The following XKR9 variants were observed in gnomAD, a reference collection of about 807,000 sequenced individuals.
The protein encoded by XKR9 is XK related 9, also known as XK-related protein 9.
XKR9 carries 32 observed loss-of-function variants against 32.0 expected under a neutral mutation model. That is an observed-to-expected ratio of 1.00 (90% CI 0.76 to 1.34). The LOEUF is 1.34. Ranked by LOEUF, XKR9 falls within the 40% of genes most tolerant of loss-of-function variation. The pLI, the probability that XKR9 is intolerant of heterozygous loss-of-function variation, is 0.00. For missense variants in XKR9, 546 were observed against 429.7 expected, an observed-to-expected ratio of 1.27 and a Z score of -2.39; for synonymous variants, 168 against 143.4, an observed-to-expected ratio of 1.17 and a Z score of -1.22.
chr8:70,781,885 G>T (rs1807622126), intron 2 of XKR9, among the ~76,000 whole-genome samples: 1 of 152,162 alleles, frequency 6.6e-6, no homozygotes, highest in South Asian at 2.1e-4. Flanking sequence ...GGGGAAAATT[G>T]TTCATTGAAT....
chr8:70,983,442 A>AT, the XKR9 span, among the ~76,000 whole-genome samples: 1 of 152,156 alleles, frequency 6.6e-6, no homozygotes, highest in Non-Finnish European at 1.5e-5. Context: ...CACTGTGCTC[A>AT]TTAAGCTCTC....
At chr8:70,810,390 C>G in the XKR9 span, among the ~76,000 whole-genome samples, 1 of 152,160 alleles carries the variant, frequency 6.6e-6, no homozygotes, top group Non-Finnish European at 1.5e-5. Context: ...AACTAACTAG[C>G]AAAATAACCA....
the XKR9 span, among the ~76,000 whole-genome samples, chr8:71,026,698 A>G: frequency 2.0e-5 from 3 of 152,160 alleles, no homozygotes; most frequent in African/African-American, 7.2e-5. Flanking sequence ...ATCAGCTGAA[A>G]CGTTTTCTTC....
At chr8:70,699,453 T>G (rs4335157) in intron 3 of XKR9, among the ~76,000 whole-genome samples, 80,326 of 151,224 alleles carry the variant, frequency 0.53, 22,376 homozygotes, top group Middle Eastern at 0.62. Context: ...GCTTAGTTTG[T>G]CTGGATATGA....
intron 4 of XKR9, among the ~76,000 whole-genome samples, chr8:70,724,724 C>A (rs927508172): frequency 1.2e-4 from 19 of 152,140 alleles, no homozygotes; most frequent in Non-Finnish European, 7.3e-5. Context: ...TAACCAGTCC[C>A]AATGAGATGA....
the XKR9 span, among the ~76,000 whole-genome samples, chr8:71,035,752 G>A: frequency 6.6e-6 from 1 of 152,112 alleles, no homozygotes; most frequent in African/African-American, 2.4e-5. Flanking sequence ...TGGAACCTTA[G>A]TATTTGAGAA....
At chr8:70,936,260 GT>G in the XKR9 span, among the ~76,000 whole-genome samples, 1 of 152,076 alleles carries the variant, frequency 6.6e-6, no homozygotes, top group Non-Finnish European at 1.5e-5. Flanking sequence ...AGTGATTGAA[GT>G]TCAAAAGGCT....
At chr8:70,686,006 T>C (rs183186723) in intron 3 of XKR9, among the ~76,000 whole-genome samples, 121 of 152,092 alleles carry the variant, frequency 8.0e-4, no homozygotes, top group Non-Finnish European at 1.4e-3. Flanking sequence ...TTTCTTTATA[T>C]ATTTTAATTG....
chr8:70,783,842 C>T (rs951444825), intron 2 of XKR9, among the ~76,000 whole-genome samples: 1 of 152,032 alleles, frequency 6.6e-6, no homozygotes, highest in African/African-American at 2.4e-5. Flanking sequence ...ACTTTCTAGT[C>T]TTATATGTAA....
At chr8:70,851,984 A>C in the XKR9 span, among the ~76,000 whole-genome samples, 1 of 152,148 alleles carries the variant, frequency 6.6e-6, no homozygotes, top group Non-Finnish European at 1.5e-5. Flanking sequence ...ACTATCATCA[A>C]AGTGAACAGG....
the XKR9 span, among the ~76,000 whole-genome samples, chr8:70,838,430 G>C: frequency 1.6e-4 from 24 of 152,088 alleles, 1 homozygote; most frequent in South Asian, 4.0e-3. Flanking sequence ...CAGAAGACTT[G>C]GGGAAAGAAC....
intron 2 of XKR9, among the ~76,000 whole-genome samples, chr8:70,748,390 C>T (rs917349778): frequency 1.3e-5 from 2 of 152,244 alleles, no homozygotes; most frequent in African/African-American, 4.8e-5. Flanking sequence ...CTAGTCTCTC[C>T]CCGCTCCTGG....
the XKR9 span, among the ~76,000 whole-genome samples, chr8:70,979,868 G>A: frequency 2.0e-5 from 3 of 152,238 alleles, no homozygotes; most frequent in African/African-American, 4.8e-5. Flanking sequence ...CCCAAAGGTG[G>A]AGTCTACAAA....
the XKR9 span, among the ~76,000 whole-genome samples, chr8:70,870,671 A>T: frequency 6.6e-6 from 1 of 152,230 alleles, no homozygotes; most frequent in Admixed American, 6.5e-5. Context: ...TGTTTGCATC[A>T]TCAGTTTATT....
chr8:70,822,233 C>T, the XKR9 span, among the ~76,000 whole-genome samples: 1 of 152,068 alleles, frequency 6.6e-6, no homozygotes, highest in African/African-American at 2.4e-5. Flanking sequence ...TATCACATAA[C>T]ATTTATTTTT....
At chr8:70,991,599 T>A in the XKR9 span, among the ~76,000 whole-genome samples, 1 of 152,170 alleles carries the variant, frequency 6.6e-6, no homozygotes, top group East Asian at 1.9e-4. Flanking sequence ...TGACTCAGGC[T>A]CTTTAACATG....
the XKR9 span, among the ~76,000 whole-genome samples, chr8:70,832,215 T>G: frequency 6.6e-6 from 1 of 152,222 alleles, no homozygotes; most frequent in Non-Finnish European, 1.5e-5. Context: ...TGTTCCAGGC[T>G]AGATGAGGGC....
intron 3 of XKR9, among the ~76,000 whole-genome samples, chr8:70,699,916 A>G (rs1435840813): frequency 5.1e-4 from 78 of 151,568 alleles, no homozygotes; most frequent in African/African-American, 1.2e-3. Context: ...TTCCCTTCTC[A>G]CTTCATTTCA....
the XKR9 span, among the ~76,000 whole-genome samples, chr8:70,961,830 TTAAA>T: frequency 6.6e-6 from 1 of 152,184 alleles, no homozygotes; most frequent in Non-Finnish European, 1.5e-5. Flanking sequence ...TTTGTGTGTG[TTAAA>T]TAAGAGCTAA....
Sources: allele counts gnomAD v4.1 joint callset (sites outside exome capture counted in the v4.1 genomes callset), GRCh38; gene constraint gnomAD v4.1.1; transcripts MANE v1.5; gene names NCBI Gene and HGNC (gene_info 2026-07-23, HGNC 2026-07-21).